The following AGMO variants were observed in gnomAD, a reference collection of about 807,000 sequenced individuals.
AGMO encodes glyceryl-ether monooxygenase.
A neutral mutation model predicts 60.2 loss-of-function variants in AGMO; 75 were observed. That is an observed-to-expected ratio of 1.25 (90% confidence interval 1.03 to 1.51). The LOEUF (loss-of-function observed/expected upper bound fraction) is 1.51, where lower values mean the gene tolerates loss of function less well. Ranked by LOEUF, AGMO falls within the 40% of genes most tolerant of loss-of-function variation. The pLI is 0.00. For synonymous variants in AGMO, 261 were observed against 177.1 expected, an observed-to-expected ratio of 1.47 and a Z score of -3.76; for missense variants, 763 against 525.5, an observed-to-expected ratio of 1.45 and a Z score of -4.42.
chr7:15,372,699 T>C (rs545688345), intron 10 of AGMO, among the ~76,000 whole-genome samples: 3 of 152,310 alleles, frequency 2.0e-5, no homozygotes, highest in Non-Finnish European at 4.4e-5. Context: ...TTTTAAACAA[T>C]ATGTGAAATC....
At chr7:15,537,717 T>A (rs1784517206) in intron 3 of AGMO, among the ~76,000 whole-genome samples, 1 of 152,162 alleles carries the variant, frequency 6.6e-6, no homozygotes, top group South Asian at 2.1e-4. Flanking sequence ...AAACCCTTGA[T>A]AATAGCCATA....
At chr7:15,226,857 G>T (rs925391396) in intron 12 of AGMO, among the ~76,000 whole-genome samples, 1 of 151,916 alleles carries the variant, frequency 6.6e-6, no homozygotes. Flanking sequence ...AAATAGTCTG[G>T]CAGAAAACGT....
chr7:15,499,567 C>A (rs576791342), intron 3 of AGMO, among the ~76,000 whole-genome samples: 1 of 151,702 alleles, frequency 6.6e-6, no homozygotes, highest in Admixed American at 6.6e-5. Flanking sequence ...AATGGATCAA[C>A]CCCACTGTAA....
intron 12 of AGMO, among the ~76,000 whole-genome samples, chr7:15,334,918 T>C (rs746604685): frequency 6.6e-6 from 1 of 152,134 alleles, no homozygotes; most frequent in African/African-American, 2.4e-5. Flanking sequence ...ATAAGAGCTG[T>C]CCGAGAGCCT....
chr7:15,176,495 A>C, the AGMO span, among the ~76,000 whole-genome samples: 1 of 151,932 alleles, frequency 6.6e-6, no homozygotes, highest in Non-Finnish European at 1.5e-5. Flanking sequence ...CTCTTGTATC[A>C]AGAGAAACCA....
chr7:15,162,975 G>T, the AGMO span, among the ~76,000 whole-genome samples: 2 of 151,992 alleles, frequency 1.3e-5, no homozygotes, highest in African/African-American at 4.8e-5. Flanking sequence ...CCATTTATTT[G>T]TATCATCTAT....
chr7:15,516,759 C>T (rs910103744), intron 3 of AGMO, among the ~76,000 whole-genome samples: 5 of 146,290 alleles, frequency 3.4e-5, no homozygotes, highest in Admixed American at 2.1e-4. Flanking sequence ...AAGTTACATC[C>T]TTTTTTTTTT....
intron 8 of AGMO, among the ~76,000 whole-genome samples, chr7:15,389,165 T>C (rs1784040919): frequency 6.6e-6 from 1 of 152,160 alleles, no homozygotes. Context: ...ACTGGCATCA[T>C]ACAGAGGCTT....
intron 4 of AGMO, among the ~76,000 whole-genome samples, chr7:15,419,021 C>A (rs528293001): frequency 6.6e-6 from 1 of 151,750 alleles, no homozygotes; most frequent in African/African-American, 2.4e-5. Context: ...GACTTTATAC[C>A]TTTGACAGCT....
chr7:15,530,510 T>C (rs1470011215), intron 3 of AGMO, among the ~76,000 whole-genome samples: 7 of 19,650 alleles, frequency 3.6e-4, no homozygotes, highest in African/African-American at 1.3e-3. Context: ...TACGTATTTC[T>C]ATATATATAT....
At chr7:15,261,342 T>C (rs1381760164) in intron 12 of AGMO, among the ~76,000 whole-genome samples, 1 of 151,902 alleles carries the variant, frequency 6.6e-6, no homozygotes, top group East Asian at 1.9e-4. Context: ...ACCACAGAAA[T>C]ACAAAAGATT....
chr7:15,321,140 T>A (rs1201793574), intron 12 of AGMO, among the ~76,000 whole-genome samples: 1 of 152,188 alleles, frequency 6.6e-6, no homozygotes, highest in Non-Finnish European at 1.5e-5. Context: ...AATTCTTAAC[T>A]GAATTGGCCA....
chr7:15,394,092 G>A, intron 6 of AGMO, 21 bp downstream of exon 6: 3 of 1,575,608 alleles, frequency 1.9e-6, no homozygotes, highest in Middle Eastern at 1.7e-4. Flanking sequence ...AGAAAAGAGA[G>A]AAGAAACAAA....
chr7:15,510,811 A>ATT (rs72566395), intron 3 of AGMO, among the ~76,000 whole-genome samples: 6 of 45,810 alleles, frequency 1.3e-4, no homozygotes, highest in African/African-American at 5.9e-4. Context: ...GCATAAGGAA[A>ATT]CATTTTATTA....
intron 3 of AGMO, among the ~76,000 whole-genome samples, chr7:15,451,481 G>A (rs533221295): frequency 6.6e-6 from 1 of 152,166 alleles, no homozygotes; most frequent in South Asian, 2.1e-4. Flanking sequence ...GGAATTCTAA[G>A]ATGAAGTCAC....
At chr7:15,448,730 A>G (rs1263041229) in intron 3 of AGMO, among the ~76,000 whole-genome samples, 1 of 151,968 alleles carries the variant, frequency 6.6e-6, no homozygotes, top group Non-Finnish European at 1.5e-5. Context: ...ACTATTTTCT[A>G]AAAGATGGAA....
At chr7:15,538,760 A>T (rs1173582816) in intron 3 of AGMO, among the ~76,000 whole-genome samples, 2 of 152,194 alleles carry the variant, frequency 1.3e-5, no homozygotes, top group Non-Finnish European at 2.9e-5. Context: ...AAATTAGGAT[A>T]ATCTAACTTC....
intron 3 of AGMO, among the ~76,000 whole-genome samples, chr7:15,511,509 T>A (rs894189342): frequency 6.6e-6 from 1 of 152,080 alleles, no homozygotes; most frequent in African/African-American, 2.4e-5. Flanking sequence ...GGGGAGATGA[T>A]GGGCAAAGGG....
At chr7:15,528,724 C>T (rs1167409915) in intron 3 of AGMO, among the ~76,000 whole-genome samples, 2 of 152,076 alleles carry the variant, frequency 1.3e-5, no homozygotes, top group East Asian at 3.9e-4. Flanking sequence ...TCTCGGCTCA[C>T]CGCAACCTCC....
Sources: gnomAD v4.1 joint callset for allele counts (sites outside exome capture counted in the v4.1 genomes callset) on GRCh38, gnomAD v4.1.1 for gene constraint, MANE v1.5 for transcripts, NCBI Gene and HGNC (gene_info 2026-07-23, HGNC 2026-07-21) for gene names.